Variants in PPARG observed in about 807,000 individuals in gnomAD.
The protein encoded by PPARG is peroxisome proliferator-activated receptor gamma.
Under a neutral mutation model 39.2 loss-of-function variants are expected in PPARG, and 17 were observed. The observed-to-expected ratio is 0.43, with a 90% CI of 0.30 to 0.65. The LOEUF is 0.65. Ranked by LOEUF, PPARG falls within the 30% of genes least tolerant of loss-of-function variation. The pLI is 0.13. For missense variants in PPARG, 406 were observed against 585.9 expected (o/e 0.69, Z 3.17); for synonymous variants, 223 against 215.7 (o/e 1.03, Z -0.30).
chr3:12,392,303 A>C (rs998022661), intron 4 of PPARG, among the ~76,000 whole-genome samples: 2 of 152,208 alleles, frequency 1.3e-5, no homozygotes, highest in African/African-American at 4.8e-5. Context: ...TTTGCATTAC[A>C]TTAAATCCAG....
chr3:12,383,620 C>T (rs1211641484), intron 4 of PPARG, among the ~76,000 whole-genome samples: 1 of 152,064 alleles, frequency 6.6e-6, no homozygotes, highest in Non-Finnish European at 1.5e-5. Context: ...TTTAAGGTTC[C>T]ACAATAAGTT....
At chr3:12,397,694 G>A (rs2050318490) in intron 5 of PPARG, among the ~76,000 whole-genome samples, 1 of 152,080 alleles carries the variant, frequency 6.6e-6, no homozygotes, top group South Asian at 2.1e-4. Context: ...ACAGGCGTGA[G>A]CCACCGCGTC....
rs145150500 is a variant in PPARG, at chr3:12,364,020, G to A, written c.-8-15684G>A. On this transcript the variant is annotated intron_variant, in intron 2 of 7. Coordinates refer to ENST00000651735, the MANE Select transcript of PPARG (RefSeq NM_138711.6). The stretch of plus-strand genomic sequence containing the variant: ...ACTATCAACATCCTGCACCCAAGTG[G>A]TACACTTGTTAACAGTCAATAAACC... Among the ~76,000 whole-genome samples the A allele has an allele frequency of 2.2e-3, 157 of 71,418 alleles. 1 individual carries two copies. The highest frequency in any genetic ancestry group is 0.011 in the African/African-American group (154 of 14,078). The allele number at this position is 71,418 out of a possible 152,430, so 46.9% of individuals were successfully genotyped here.
At chr3:12,320,029 T>C (rs929889704) in intron 2 of PPARG, among the ~76,000 whole-genome samples, 1 of 152,178 alleles carries the variant, frequency 6.6e-6, no homozygotes, top group African/African-American at 2.4e-5. Flanking sequence ...CGCTAATCAG[T>C]GCCCCACTCA....
At chr3:12,315,626 C>A (rs1039113517) in intron 2 of PPARG, among the ~76,000 whole-genome samples, 9 of 152,136 alleles carry the variant, frequency 5.9e-5, no homozygotes, top group African/African-American at 2.2e-4. Context: ...AATGCAGGGG[C>A]ATTCTTTTCA....
chr3:12,307,376 G>C (rs2047101642), intron 1 of PPARG, among the ~76,000 whole-genome samples: 1 of 152,092 alleles, frequency 6.6e-6, no homozygotes, highest in South Asian at 2.1e-4. Context: ...TCATTTGTGA[G>C]TGTTCACATA....
rs1302998459 is a variant in PPARG at position 12,330,301 on chromosome 3, T to TAAAA, written c.-9+17848_-9+17849insAAAA. On this transcript the variant is annotated intron_variant, in intron 2 of 7. Coordinates refer to ENST00000651735, the MANE Select transcript of PPARG (RefSeq NM_138711.6). ...CTCTACATTGCTACAACACCTTTTTTTAAAAAAAAAAAAAAAAAAAAAGCT... is the reference window on the plus strand; with the variant it reads ...CTCTACATTGCTACAACACCTTTTTTAAAATAAAAAAAAAAAAAAAAAAAAAGCT... Among the ~76,000 whole-genome samples, 541 of 114,494 alleles carry TAAAA rather than the reference T, an allele frequency of 4.7e-3. 2 individuals are homozygous for TAAAA. Among genetic ancestry groups the TAAAA allele is most frequent in the African/African-American group, 0.014 (424 of 31,024 alleles). 75.1% of individuals were successfully genotyped at this position (114,494 alleles called of 152,430 possible).
At chr3:12,397,312 G>A (rs2125228620) in intron 5 of PPARG, among the ~76,000 whole-genome samples, 1 of 150,880 alleles carries the variant, frequency 6.6e-6, no homozygotes, top group South Asian at 2.1e-4. Flanking sequence ...AGCAGCTCTA[G>A]TGTATATTGA....
Position 12,434,324 on chromosome 3 carries a change from A to T in PPARG, c.*179A>T, listed in dbSNP as rs1363530006. The T allele has an allele frequency of 6.2e-6, 5 of 812,160 alleles. No individual in the cohort carries two copies. Among genetic ancestry groups the T allele is most frequent in the Non-Finnish European group, 9.6e-6 (5 of 522,032 alleles). 50.3% of individuals were successfully genotyped at this position (812,160 alleles called of 1,614,324 possible). A position where few individuals can be genotyped will look rare whatever the true frequency, so the allele number is the denominator to read the frequency against. On this transcript the variant is annotated 3_prime_UTR_variant, in exon 8 of 8. Transcript: ENST00000651735. This position sits in a 1 kb window ranked among gnomAD's most constrained non-coding sequence, Gnocchi z 4.2. ...ACATTTACAATTTACTTTTAATATTAAAAATTACCATATTATGAAATTGCT... is the reference window on the plus strand; with the variant it reads ...ACATTTACAATTTACTTTTAATATTTAAAATTACCATATTATGAAATTGCT...
intron 1 of PPARG, among the ~76,000 whole-genome samples, chr3:12,296,954 G>A (rs778252864): frequency 6.6e-6 from 1 of 152,058 alleles, no homozygotes; most frequent in Non-Finnish European, 1.5e-5. Flanking sequence ...ATAATTTCAA[G>A]GATTGAAGAG....
intron 1 of PPARG, among the ~76,000 whole-genome samples, chr3:12,308,203 G>T (rs1159713173): frequency 6.6e-6 from 1 of 151,944 alleles, no homozygotes; most frequent in Non-Finnish European, 1.5e-5. Context: ...AATTAGCCAG[G>T]TGTGATGGCG....
At position 12,313,036 on chromosome 3, in the gene PPARG, C is replaced by T. The variant is rs191753759; in HGVS notation, c.-9+583C>T. Among the ~76,000 whole-genome samples the T allele has an allele frequency of 1.3e-4, 20 of 152,186 alleles. No individual in the cohort carries two copies. The East Asian group carries it at 3.5e-3, about 26-fold the overall frequency. ...ATCCACCATGGATAATTTATCCTTC[C>T]GAGGCCTAACTATAGGGTTCCAAGA... On this transcript the variant is annotated intron_variant, in intron 2 of 7. Coordinates refer to ENST00000651735, the MANE Select transcript of PPARG (RefSeq NM_138711.6).
intron 2 of PPARG, among the ~76,000 whole-genome samples, chr3:12,331,370 A>G (rs1335764371): frequency 6.6e-6 from 1 of 152,214 alleles, no homozygotes; most frequent in Non-Finnish European, 1.5e-5. Context: ...ACCATGTTAC[A>G]GATGGAGGAA....
intron 2 of PPARG, among the ~76,000 whole-genome samples, chr3:12,321,748 CAGGCTGCTCAGTGTCCTCTCACAGTGCTG>C (rs943554067): frequency 3.3e-5 from 5 of 152,170 alleles, no homozygotes; most frequent in African/African-American, 1.2e-4. Flanking sequence ...TCAGACACAC[CAGGCTGCTCAGTGTCCTCTCACAGTGCTG>C]AGTTTATGAC....
At chr3:12,333,023 C>T (rs1030243333) in intron 2 of PPARG, among the ~76,000 whole-genome samples, 4 of 152,076 alleles carry the variant, frequency 2.6e-5, no homozygotes, top group Non-Finnish European at 4.4e-5. Context: ...AGAGTGAGAT[C>T]CTGTCTCTAA....
intron 7 of PPARG, among the ~76,000 whole-genome samples, chr3:12,431,550 GATTA>G (rs1211009167): frequency 1.3e-5 from 2 of 152,044 alleles, no homozygotes; most frequent in African/African-American, 2.4e-5. Context: ...AAACAGACTT[GATTA>G]ATAAAACCAA....
intron 5 of PPARG, among the ~76,000 whole-genome samples, chr3:12,398,721 T>C (rs1427829893): frequency 6.6e-6 from 1 of 152,094 alleles, no homozygotes; most frequent in Non-Finnish European, 1.5e-5. Flanking sequence ...AGGGCGGAGA[T>C]GGTCACCAGA....
intron 7 of PPARG, among the ~76,000 whole-genome samples, chr3:12,430,373 G>A (rs188949637): frequency 2.0e-5 from 3 of 152,300 alleles, no homozygotes; most frequent in South Asian, 2.1e-4. Flanking sequence ...GATACCTCAC[G>A]GTCTAACGGG....
At chr3:12,367,093 CTATT>C (rs1380658958) in intron 2 of PPARG, among the ~76,000 whole-genome samples, 1 of 152,058 alleles carries the variant, frequency 6.6e-6, no homozygotes, top group Admixed American at 6.6e-5. Flanking sequence ...TTCCATTTCT[CTATT>C]TCATCTTGTA....
Sources: allele counts gnomAD v4.1 joint callset (sites outside exome capture counted in the v4.1 genomes callset), GRCh38; gene constraint gnomAD v4.1.1; non-coding constraint Gnocchi (gnomAD v3.1); transcripts MANE v1.5; gene names NCBI Gene and HGNC (gene_info 2026-07-23, HGNC 2026-07-21).